The following NOL4 variants were observed in gnomAD, a reference collection of about 807,000 sequenced individuals.
The protein encoded by NOL4 is nucleolar protein 4.
A neutral mutation model predicts 75.9 loss-of-function variants in NOL4; 17 were observed. That is an observed-to-expected ratio of 0.22 (90% CI 0.15 to 0.34). NOL4 has a LOEUF of 0.34. Among genes scored for constraint, NOL4 ranks in the 10% least tolerant of loss-of-function variants. NOL4 has a pLI of 1.00. For missense variants in NOL4, 614 were observed against 793.5 expected, an observed-to-expected ratio of 0.77 and a Z score of 2.72; for synonymous variants, 292 against 289.9, an observed-to-expected ratio of 1.01 and a Z score of -0.07.
At chr18:34,162,759 G>A (rs549351119) in intron 1 of NOL4, among the ~76,000 whole-genome samples, 1 of 152,264 alleles carries the variant, frequency 6.6e-6, no homozygotes, top group Non-Finnish European at 1.5e-5. Context: ...GCATCATCCT[G>A]ATACCAAAGC....
chr18:33,860,075 C>T (rs549561484), intron 10 of NOL4, among the ~76,000 whole-genome samples: 38 of 152,002 alleles, frequency 2.5e-4, no homozygotes, highest in African/African-American at 7.5e-4. Flanking sequence ...AGGTGGCAGG[C>T]GAGAGAGCAC....
chr18:33,950,335 CA>C (rs1299052607), intron 8 of NOL4, among the ~76,000 whole-genome samples: 1 of 151,678 alleles, frequency 6.6e-6, no homozygotes, highest in Non-Finnish European at 1.5e-5. Flanking sequence ...GCTATATTTT[CA>C]GTTAGTAGTA....
chr18:34,097,868 T>C (rs886178371), intron 4 of NOL4, among the ~76,000 whole-genome samples: 2 of 152,218 alleles, frequency 1.3e-5, no homozygotes, highest in Non-Finnish European at 2.9e-5. Context: ...AAGTTTTTAA[T>C]AATTATCATC....
intron 6 of NOL4, 58 bp downstream of exon 6, chr18:34,019,260 A>AT: frequency 6.8e-7 from 1 of 1,475,172 alleles, no homozygotes. Context: ...ATGCATAGGT[A>AT]TTTTTTGTGA....
chr18:34,197,287 T>A (rs781303470), intron 1 of NOL4, among the ~76,000 whole-genome samples: 1 of 152,122 alleles, frequency 6.6e-6, no homozygotes, highest in East Asian at 1.9e-4. Context: ...TTTTAAAAAA[T>A]GGCATTTCAG....
intron 9 of NOL4, among the ~76,000 whole-genome samples, chr18:33,932,139 T>C (rs993685516): frequency 5.3e-5 from 8 of 152,094 alleles, no homozygotes; most frequent in African/African-American, 1.7e-4. Flanking sequence ...TATCCCCACA[T>C]TTCCACATTG....
chr18:33,863,164 C>A (rs932432514), intron 10 of NOL4, among the ~76,000 whole-genome samples: 1 of 151,868 alleles, frequency 6.6e-6, no homozygotes, highest in East Asian at 1.9e-4. Context: ...AGTAAACTAT[C>A]GCAAGAACAA....
rs553381179 is a variant in NOL4 at position 33,899,084 on chromosome 18, T to C, written c.1543-15660A>G. Among the ~76,000 whole-genome samples the C allele has an allele frequency of 5.3e-5, 8 of 152,268 alleles. No homozygotes were observed. The East Asian group carries it at 1.2e-3, about 22-fold the overall frequency. ...TTTCATTTATTGTTTGAAAAAAAGA[T>C]GATAATACTCCCTTCCTAAAACTAA... On this transcript the variant is annotated intron_variant, in intron 9 of 10. Coordinates refer to ENST00000261592, the MANE Select transcript of NOL4 (RefSeq NM_003787.5).
intron 6 of NOL4, among the ~76,000 whole-genome samples, chr18:33,965,572 G>C (rs2070516639): frequency 6.6e-6 from 1 of 152,196 alleles, no homozygotes; most frequent in South Asian, 2.1e-4. Context: ...GAGAGACCCA[G>C]TGGGAGGTAG....
chr18:33,929,194 C>A (rs1447472132), intron 9 of NOL4, among the ~76,000 whole-genome samples: 1 of 152,178 alleles, frequency 6.6e-6, no homozygotes, highest in Non-Finnish European at 1.5e-5. Flanking sequence ...ACATAGAAGA[C>A]CCCTGCACCT....
intron 5 of NOL4, among the ~76,000 whole-genome samples, chr18:34,062,964 A>G (rs557137073): frequency 2.6e-5 from 4 of 152,162 alleles, no homozygotes; most frequent in African/African-American, 9.6e-5. Flanking sequence ...AATCAACTTT[A>G]TATCATAGAA....
chr18:33,940,572 T>A (rs2068405687), intron 9 of NOL4, among the ~76,000 whole-genome samples: 1 of 151,814 alleles, frequency 6.6e-6, no homozygotes, highest in African/African-American at 2.4e-5. Context: ...AGGGGAGGGA[T>A]AGCATCAGGA....
chr18:34,197,227 A>T (rs2035394012), intron 1 of NOL4, among the ~76,000 whole-genome samples: 1 of 152,020 alleles, frequency 6.6e-6, no homozygotes. Flanking sequence ...GAAAGCTATG[A>T]TCTTTATCCT....
At chr18:34,088,898 CT>C (rs2078372480) in intron 5 of NOL4, among the ~76,000 whole-genome samples, 1 of 151,974 alleles carries the variant, frequency 6.6e-6, no homozygotes, top group African/African-American at 2.4e-5. Context: ...CTGAAGCATT[CT>C]TCTTATTACA....
At chr18:33,965,787 T>A (rs2070532484) in intron 6 of NOL4, among the ~76,000 whole-genome samples, 1 of 152,164 alleles carries the variant, frequency 6.6e-6, no homozygotes, top group African/African-American at 2.4e-5. Flanking sequence ...GTGAGTCAAT[T>A]AAACTTCTTT....
intron 9 of NOL4, among the ~76,000 whole-genome samples, chr18:33,886,922 A>G (rs1568009883): frequency 8.7e-6 from 1 of 115,352 alleles, no homozygotes; most frequent in Admixed American, 8.9e-5. Context: ...CTATATACAT[A>G]TATATCTATA....
chr18:34,221,458 C>G (rs530079942), intron 1 of NOL4: 1 of 152,272 alleles, frequency 6.6e-6, no homozygotes, highest in East Asian at 1.9e-4. Context: ...AAATAAACCT[C>G]AGTTCTAAAT....
At chr18:33,871,345 T>A (rs928949783) in intron 10 of NOL4, among the ~76,000 whole-genome samples, 2 of 151,972 alleles carry the variant, frequency 1.3e-5, no homozygotes, top group African/African-American at 2.4e-5. Flanking sequence ...ATTCCATCAG[T>A]ACCCGAGCCC....
rs368521761 is a variant in NOL4 at position 34,037,717 on chromosome 18, A to G, written c.773-18116T>C. The stretch of plus-strand genomic sequence containing the variant: ...AAATTTAAATACTCATATGCCAAAA[A>G]ATGAAACTGGATCCATATTTCTCAC... On this transcript the variant is annotated intron_variant, in intron 5 of 10. Coordinates refer to ENST00000261592, the MANE Select transcript of NOL4 (RefSeq NM_003787.5). Among the ~76,000 whole-genome samples the G allele has an allele frequency of 5.9e-5, 9 of 152,244 alleles. No individual in the cohort carries two copies. The East Asian group carries it at 1.7e-3, about 29-fold the overall frequency.
Sources: gnomAD v4.1 joint callset for allele counts (sites outside exome capture counted in the v4.1 genomes callset) on GRCh38, gnomAD v4.1.1 for gene constraint, MANE v1.5 for transcripts, NCBI Gene and HGNC (gene_info 2026-07-23, HGNC 2026-07-21) for gene names.